Variants in VWC2L observed in about 807,000 individuals in gnomAD.
VWC2L encodes von Willebrand factor C domain-containing protein 2-like.
Under a neutral mutation model 21.6 loss-of-function variants are expected in VWC2L, and 10 were observed. That is an observed-to-expected ratio of 0.46 (90% CI 0.29 to 0.78). The LOEUF is 0.78. Among genes scored for constraint, VWC2L ranks in the 30% least tolerant of loss-of-function variants. VWC2L has a pLI of 0.10. For missense variants in VWC2L, 209 were observed against 277.1 expected, an observed-to-expected ratio of 0.75 and a Z score of 1.74; for synonymous variants, 96 against 94.3, an observed-to-expected ratio of 1.02 and a Z score of -0.10.
intron 2 of VWC2L, among the ~76,000 whole-genome samples, chr2:214,432,932 G>T (rs1198248528): frequency 6.6e-6 from 1 of 151,306 alleles, no homozygotes; most frequent in Non-Finnish European, 1.5e-5. Flanking sequence ...TGAGGCAGGA[G>T]AATCACTTAA....
At chr2:214,452,177 G>A (rs1702966180) in intron 3 of VWC2L, among the ~76,000 whole-genome samples, 1 of 151,916 alleles carries the variant, frequency 6.6e-6, no homozygotes, top group Non-Finnish European at 1.5e-5. Flanking sequence ...TGTGTGCATG[G>A]CAGGGTCTAG....
rs1041225762 is a variant in VWC2L, at chr2:214,576,743, A to G, written c.*923A>G. The G allele has an allele frequency of 2.0e-5, 3 of 152,150 alleles. No homozygotes were observed. The highest frequency in any genetic ancestry group is 4.8e-5 in the African/African-American group (2 of 41,436). The allele number at this position is 152,150 out of a possible 1,614,324, so 9.4% of individuals were successfully genotyped here. A position where few individuals can be genotyped will look rare whatever the true frequency, so the allele number is the denominator to read the frequency against. On this transcript the variant is annotated 3_prime_UTR_variant, in exon 4 of 4. Coordinates refer to ENST00000312504, the MANE Select transcript of VWC2L (RefSeq NM_001080500.4). Reference sequence around the variant, plus strand: ...CCCACTGTGAATCCAAATCCTTATGAACATCTCTGGCTTTTGAGTTCAGAT... The same window carrying G: ...CCCACTGTGAATCCAAATCCTTATGGACATCTCTGGCTTTTGAGTTCAGAT...
At chr2:214,436,536 T>A (rs1389921328) in intron 2 of VWC2L, 93 bp from the exon 3 acceptor site, 1 of 1,466,944 alleles carries the variant, frequency 6.8e-7, no homozygotes, top group Admixed American at 1.9e-5. Context: ...AAAGCCAATA[T>A]AATAAGCACT....
intron 3 of VWC2L, among the ~76,000 whole-genome samples, chr2:214,570,079 G>C (rs1361558181): frequency 6.6e-6 from 1 of 152,026 alleles, no homozygotes; most frequent in Non-Finnish European, 1.5e-5. Context: ...AACTGGAAAA[G>C]ATCATTTTAA....
intron 3 of VWC2L, among the ~76,000 whole-genome samples, chr2:214,495,081 T>C (rs1404262196): frequency 6.6e-6 from 1 of 152,178 alleles, no homozygotes; most frequent in Non-Finnish European, 1.5e-5. Flanking sequence ...ATGTTAATGA[T>C]TGGTTCAACG....
chr2:214,446,689 A>C (rs939285202), intron 3 of VWC2L, among the ~76,000 whole-genome samples: 1 of 152,168 alleles, frequency 6.6e-6, no homozygotes, highest in Non-Finnish European at 1.5e-5. Context: ...TTCCCTAAGT[A>C]AATGTTTGAA....
Position 214,576,122 on chromosome 2 carries a change from C to G in VWC2L, c.*302C>G. 1 of 181,810 alleles carries G rather than the reference C, an allele frequency of 5.5e-6. No homozygotes were observed. Among genetic ancestry groups the G allele is most frequent in the East Asian group, 1.4e-4 (1 of 7,204 alleles). The allele number at this position is 181,810 out of a possible 1,614,324, so 11.3% of individuals were successfully genotyped here. ...AGAAATAGCCTTGCACAGGCTCCTTCCCTGGTAATGCCTCTGACCTACCAG... is the reference window on the plus strand; with the variant it reads ...AGAAATAGCCTTGCACAGGCTCCTTGCCTGGTAATGCCTCTGACCTACCAG... On this transcript the variant is annotated 3_prime_UTR_variant, in exon 4 of 4. Coordinates refer to ENST00000312504, the MANE Select transcript of VWC2L (RefSeq NM_001080500.4).
chr2:214,449,904 A>T (rs559296948), intron 3 of VWC2L, among the ~76,000 whole-genome samples: 1 of 152,190 alleles, frequency 6.6e-6, no homozygotes, highest in African/African-American at 2.4e-5. Context: ...TATGTTTTGC[A>T]GAAAGGTCCC....
At chr2:214,490,019 C>A (rs1688723984) in intron 3 of VWC2L, among the ~76,000 whole-genome samples, 1 of 152,108 alleles carries the variant, frequency 6.6e-6, no homozygotes, top group South Asian at 2.1e-4. Flanking sequence ...TAACTGTGTA[C>A]CTGGGAAGAA....
intron 3 of VWC2L, among the ~76,000 whole-genome samples, chr2:214,511,832 A>G (rs1689058645): frequency 1.6e-5 from 2 of 122,526 alleles, no homozygotes; most frequent in Admixed American, 1.6e-4. Context: ...CACACTATAT[A>G]TATATATACA....
intron 3 of VWC2L, among the ~76,000 whole-genome samples, chr2:214,527,471 T>C (rs1689360910): frequency 6.6e-6 from 1 of 152,200 alleles, no homozygotes; most frequent in Non-Finnish European, 1.5e-5. Context: ...AATCCTTAAC[T>C]AATGATGTGG....
chr2:214,557,456 C>A lies in VWC2L; in HGVS notation c.521-18216C>A, dbSNP rs79651767. Among the ~76,000 whole-genome samples the A allele has an allele frequency of 3.0e-4, 46 of 152,200 alleles. 1 individual carries two copies. In the East Asian group the frequency reaches 8.1e-3, roughly 27 times the overall value. On this transcript the variant is annotated intron_variant, in intron 3 of 3. Coordinates refer to ENST00000312504, the MANE Select transcript of VWC2L (RefSeq NM_001080500.4). ...GATGAGATTTGGGTAGGGACACAGC[C>A]AAACCATATCAGATGCTCTTCCACA...
intron 2 of VWC2L, among the ~76,000 whole-genome samples, chr2:214,418,062 T>G (rs983303693): frequency 3.9e-5 from 6 of 152,136 alleles, no homozygotes; most frequent in African/African-American, 1.4e-4. Context: ...GAACACTTTT[T>G]CAACATTGCT....
At chr2:214,497,401 C>T (rs10185969) in intron 3 of VWC2L, among the ~76,000 whole-genome samples, 25,539 of 152,102 alleles carry the variant, frequency 0.17, 2,261 homozygotes, top group East Asian at 0.25. Context: ...TCTCTTGCCT[C>T]TCTAAATTCA....
intron 3 of VWC2L, among the ~76,000 whole-genome samples, chr2:214,450,238 C>T (rs181918544): frequency 4.6e-5 from 7 of 152,216 alleles, no homozygotes; most frequent in East Asian, 1.9e-4. Context: ...TGCAGGCTGA[C>T]GGCAAAATCT....
Position 214,503,290 on chromosome 2 carries a change from T to C in VWC2L, c.520+66532T>C, listed in dbSNP as rs114733641. ...ATTCTGGGCTGACTTACTCAGGAGA[T>C]AGGAAGCAAAGTGCCTAAGTCCCAA... On this transcript the variant is annotated intron_variant, in intron 3 of 3. Transcript: ENST00000312504. 5.6e-3 allele frequency among the ~76,000 whole-genome samples: 855 copies of C among 152,136 alleles called. 9 individuals carry two copies. Among genetic ancestry groups the C allele is most frequent in the African/African-American group, 0.02 (826 of 41,496 alleles).
At chr2:214,473,234 C>T (rs1192247638) in intron 3 of VWC2L, among the ~76,000 whole-genome samples, 1 of 152,134 alleles carries the variant, frequency 6.6e-6, no homozygotes, top group Non-Finnish European at 1.5e-5. Flanking sequence ...TAATGATAAT[C>T]ATTAATACAT....
At chr2:214,427,548 C>A (rs911426942) in intron 2 of VWC2L, among the ~76,000 whole-genome samples, 2 of 152,108 alleles carry the variant, frequency 1.3e-5, no homozygotes, top group African/African-American at 4.8e-5. Flanking sequence ...CTCAATCGAA[C>A]CACAATTTGA....
At chr2:214,525,421 C>G (rs1689317703) in intron 3 of VWC2L, 2 of 152,036 alleles carry the variant, frequency 1.3e-5, no homozygotes, top group Non-Finnish European at 2.9e-5. Context: ...TTACTGTTAC[C>G]CGGGTGAGGA....
Sources: allele counts gnomAD v4.1 joint callset (sites outside exome capture counted in the v4.1 genomes callset), GRCh38; gene constraint gnomAD v4.1.1; transcripts MANE v1.5; gene names NCBI Gene and HGNC (gene_info 2026-07-23, HGNC 2026-07-21).